NHS: variants seen among roughly 807,000 people sequenced by gnomAD.
NHS encodes the protein actin remodeling regulator NHS.
NHS carries 5 observed loss-of-function variants against 72.5 expected under a neutral mutation model. That is an observed-to-expected ratio of 0.07 (90% CI 0.04 to 0.14). NHS has a LOEUF of 0.14. Among genes scored for constraint, NHS ranks in the 10% least tolerant of loss-of-function variants. The pLI, the probability that NHS is intolerant of heterozygous loss-of-function variation, is 1.00. For synonymous variants in NHS, 464 were observed against 547.7 expected, an observed-to-expected ratio of 0.85 and a Z score of 2.13; for missense variants, 1,072 against 1,355.7, an observed-to-expected ratio of 0.79 and a Z score of 3.29.
At chrX:17,613,720 C>A (rs1254873974) in intron 1 of NHS, among the ~76,000 whole-genome samples, 1 of 111,757 alleles carries the variant, frequency 8.9e-6, no homozygotes. Context: ...TGCATGCATT[C>A]TATTCAGTTC....
chrX:17,463,262 G>A (rs111338623), intron 1 of NHS, among the ~76,000 whole-genome samples: 4,197 of 111,293 alleles, frequency 0.038, 213 homozygotes, highest in African/African-American at 0.13. Context: ...AAGTAAGAGA[G>A]TTTGGGCAGT....
intron 1 of NHS, among the ~76,000 whole-genome samples, chrX:17,430,912 A>C (rs756464381): frequency 8.9e-6 from 1 of 112,052 alleles, no homozygotes; most frequent in East Asian, 2.8e-4. Context: ...CCTTTTTGCT[A>C]TTATGAATAG....
At chrX:17,444,634 A>G (rs147623485) in intron 1 of NHS, among the ~76,000 whole-genome samples, 1,162 of 110,970 alleles carry the variant, frequency 0.01, 15 homozygotes, top group African/African-American at 0.036. Context: ...TTCCCCCCAT[A>G]TTTTAGTGCA....
At chrX:17,558,777 A>G (rs534305787) in intron 1 of NHS, among the ~76,000 whole-genome samples, 1 of 112,315 alleles carries the variant, frequency 8.9e-6, no homozygotes, top group South Asian at 3.7e-4. Context: ...CCAAAATGCT[A>G]TGTACCCCTT....
intron 1 of NHS, among the ~76,000 whole-genome samples, chrX:17,679,061 A>G (rs2066106212): frequency 9.1e-6 from 1 of 110,147 alleles, no homozygotes; most frequent in African/African-American, 3.3e-5. Flanking sequence ...TAAATCAGAG[A>G]CTCTTCTAAA....
intron 1 of NHS, among the ~76,000 whole-genome samples, chrX:17,505,869 T>C (rs1477587592): frequency 1.8e-5 from 2 of 110,974 alleles, no homozygotes; most frequent in African/African-American, 6.6e-5. Context: ...GCTTCTGTAA[T>C]GGGGAACTGG....
intron 1 of NHS, among the ~76,000 whole-genome samples, chrX:17,517,446 A>G (rs1360080922): frequency 8.9e-6 from 1 of 112,565 alleles, no homozygotes; most frequent in African/African-American, 3.2e-5. Flanking sequence ...CTTCAATGCT[A>G]TAGTGAATCA....
At chrX:17,486,594 C>G (rs2064968454) in intron 1 of NHS, among the ~76,000 whole-genome samples, 1 of 111,673 alleles carries the variant, frequency 9.0e-6, no homozygotes, top group Non-Finnish European at 1.9e-5. Context: ...CCCCACAGAA[C>G]AAGCACATTT....
In NHS at chrX:17,663,760, T is replaced by C. The variant is rs1256511843; in HGVS notation, c.566-23982T>C. On this transcript the variant is annotated intron_variant, in intron 1 of 8. Transcript: ENST00000676302. ...TGAAATTGCTTAGTTATAGGGTAAA[T>C]GTATGTTTAGTTTTATAAGAAACTG... Among the ~76,000 whole-genome samples, 6 of 111,863 alleles carry C rather than the reference T, an allele frequency of 5.4e-5. No homozygotes were observed. In the East Asian group the frequency reaches 1.7e-3, roughly 31 times the overall value.
chrX:17,439,456 A>G (rs1345905540), intron 1 of NHS, among the ~76,000 whole-genome samples: 1 of 111,567 alleles, frequency 9.0e-6, no homozygotes, highest in Non-Finnish European at 1.9e-5. Flanking sequence ...CTCATATTTT[A>G]ATATATATTT....
intron 3 of NHS, among the ~76,000 whole-genome samples, chrX:17,698,103 T>C (rs2066242101): frequency 9.0e-6 from 1 of 111,588 alleles, no homozygotes; most frequent in Non-Finnish European, 1.9e-5. Flanking sequence ...AATTTGCCTA[T>C]TTAAAAACTT....
chrX:17,588,314 G>A (rs918952267), intron 1 of NHS, among the ~76,000 whole-genome samples: 2 of 111,775 alleles, frequency 1.8e-5, no homozygotes, highest in African/African-American at 6.5e-5. Context: ...TGGAAATCCA[G>A]TCTGGCTCTG....
chrX:17,515,432 T>C (rs1052119932), intron 1 of NHS, among the ~76,000 whole-genome samples: 3 of 112,386 alleles, frequency 2.7e-5, no homozygotes, highest in African/African-American at 9.7e-5. Flanking sequence ...TACCAAGGAA[T>C]ATTTATCTGT....
At chrX:17,516,795 G>T (rs1200264928) in intron 1 of NHS, among the ~76,000 whole-genome samples, 3 of 111,480 alleles carry the variant, frequency 2.7e-5, no homozygotes, top group Non-Finnish European at 5.7e-5. Context: ...ACACACACGT[G>T]CACATACACA....
chrX:17,557,785 A>G (rs2065388486), intron 1 of NHS, among the ~76,000 whole-genome samples: 1 of 111,671 alleles, frequency 9.0e-6, no homozygotes, highest in Non-Finnish European at 1.9e-5. Flanking sequence ...AAGTTTACAC[A>G]CATGGTTGTT....
chrX:17,464,100 G>A (rs2064860742), intron 1 of NHS, among the ~76,000 whole-genome samples: 1 of 111,867 alleles, frequency 8.9e-6, no homozygotes, highest in Admixed American at 9.5e-5. Context: ...AAGGTGTTTT[G>A]GTTTCTATGA....
intron 8 of NHS, among the ~76,000 whole-genome samples, chrX:17,730,242 T>C (rs1167859622): frequency 1.8e-5 from 2 of 112,598 alleles, no homozygotes; most frequent in African/African-American, 6.5e-5. Context: ...GGACAGGACG[T>C]AAATAGTGGG....
chrX:17,578,574 C>G (rs1339505898), intron 1 of NHS, among the ~76,000 whole-genome samples: 1 of 111,789 alleles, frequency 8.9e-6, no homozygotes, highest in African/African-American at 3.3e-5. Context: ...TCAGTGAGTT[C>G]CTATATATCG....
intron 2 of NHS, among the ~76,000 whole-genome samples, chrX:17,691,928 C>T (rs2066198217): frequency 1.8e-5 from 2 of 112,004 alleles, no homozygotes; most frequent in Non-Finnish European, 3.8e-5. Flanking sequence ...CAGTGACAGC[C>T]AGCTCCCGTA....
Sources: gnomAD v4.1 joint callset for allele counts (sites outside exome capture counted in the v4.1 genomes callset) on GRCh38, gnomAD v4.1.1 for gene constraint, MANE v1.5 for transcripts, NCBI Gene and HGNC (gene_info 2026-07-23, HGNC 2026-07-21) for gene names.